The following DOCK7 variants were observed in gnomAD, a reference collection of about 807,000 sequenced individuals.
The protein encoded by DOCK7 is dedicator of cytokinesis protein 7.
A neutral mutation model predicts 271.0 loss-of-function variants in DOCK7; 138 were observed. The observed-to-expected ratio is 0.51, with a 90% CI of 0.44 to 0.59. The LOEUF is 0.59. DOCK7 is among the 20% of genes least tolerant of loss of function. The pLI, the probability that DOCK7 is intolerant of heterozygous loss-of-function variation, is 0.00. For synonymous variants in DOCK7, 823 were observed against 876.1 expected, an observed-to-expected ratio of 0.94 and a Z score of 1.07; for missense variants, 2,066 against 2,592.4, an observed-to-expected ratio of 0.80 and a Z score of 4.41.
intron 29 of DOCK7, among the ~76,000 whole-genome samples, chr1:62,534,092 G>A (rs1645263557): frequency 2.0e-5 from 3 of 151,968 alleles, no homozygotes; most frequent in South Asian, 4.2e-4. Context: ...TCTGCCTCCC[G>A]GATTCAAGCA....
chr1:62,530,004 T>C (rs558068154), intron 29 of DOCK7, among the ~76,000 whole-genome samples: 15 of 152,208 alleles, frequency 9.9e-5, no homozygotes, highest in Non-Finnish European at 1.8e-4. Flanking sequence ...TCAATCCCCC[T>C]CAGTTTCAAA....
At chr1:62,636,503 G>A in intron 8 of DOCK7, 34 bp downstream of exon 8, 1 of 1,506,776 alleles carries the variant, frequency 6.6e-7, no homozygotes, top group South Asian at 1.2e-5. Flanking sequence ...CAATGATTAT[G>A]ACAAATAACT....
chr1:62,470,295 C>G (rs1181178352), intron 48 of DOCK7, among the ~76,000 whole-genome samples: 3 of 152,148 alleles, frequency 2.0e-5, no homozygotes, highest in Non-Finnish European at 4.4e-5. Context: ...ATTATTTATT[C>G]TAAGTGAAGT....
chr1:62,598,792 G>T (rs1395829779), intron 14 of DOCK7: 1 of 1,597,030 alleles, frequency 6.3e-7, no homozygotes, highest in Non-Finnish European at 8.6e-7. Context: ...TCAAATAAAA[G>T]AAATAGAAAA....
At chr1:62,523,635 G>A (rs867888971) in intron 31 of DOCK7, among the ~76,000 whole-genome samples, 1 of 152,182 alleles carries the variant, frequency 6.6e-6, no homozygotes, top group Admixed American at 6.5e-5. Flanking sequence ...TTGAGAGGTC[G>A]AGATGGGCAG....
intron 48 of DOCK7, among the ~76,000 whole-genome samples, chr1:62,473,197 A>G (rs955414943): frequency 6.6e-6 from 1 of 152,176 alleles, no homozygotes; most frequent in African/African-American, 2.4e-5. Context: ...GGAGGTAGAT[A>G]TCATTATCTT....
At chr1:62,517,425 G>A (rs566980902) in intron 31 of DOCK7, among the ~76,000 whole-genome samples, 5 of 152,084 alleles carry the variant, frequency 3.3e-5, no homozygotes, top group South Asian at 4.2e-4. Flanking sequence ...GAGAAACCCC[G>A]TCTCTATTAA....
chr1:62,529,009 C>G (rs1225988608), intron 30 of DOCK7, among the ~76,000 whole-genome samples: 1 of 152,092 alleles, frequency 6.6e-6, no homozygotes, highest in Non-Finnish European at 1.5e-5. Context: ...ACTGCATGTT[C>G]ACACAAACAT....
intron 29 of DOCK7, among the ~76,000 whole-genome samples, chr1:62,534,783 A>G (rs1262342686): frequency 6.6e-6 from 1 of 152,098 alleles, no homozygotes; most frequent in Non-Finnish European, 1.5e-5. Flanking sequence ...AAAATGCTAC[A>G]TAGTATGATG....
chr1:62,553,726 A>C (rs940042903), intron 21 of DOCK7, among the ~76,000 whole-genome samples: 2 of 152,118 alleles, frequency 1.3e-5, no homozygotes, highest in Non-Finnish European at 2.9e-5. Flanking sequence ...ATTTTACAGC[A>C]GTTTATAAAA....
intron 9 of DOCK7, 40 bp downstream of exon 9, chr1:62,634,733 A>T (rs766844848): frequency 2.5e-6 from 4 of 1,573,588 alleles, no homozygotes; most frequent in Admixed American, 1.8e-5. Context: ...AAGTATACAG[A>T]CACTACAAAA....
intron 4 of DOCK7, among the ~76,000 whole-genome samples, chr1:62,653,189 A>C (rs1352578001): frequency 6.6e-6 from 1 of 152,206 alleles, no homozygotes; most frequent in East Asian, 1.9e-4. Flanking sequence ...TATACTTCTT[A>C]ATCTGACTTG....
chr1:62,605,090 T>C (rs1650783369), intron 14 of DOCK7: 1 of 294,750 alleles, frequency 3.4e-6, no homozygotes, highest in East Asian at 7.0e-5. Context: ...TTATAATCAA[T>C]AGGTGAACTT....
chr1:62,550,735 T>C (rs1346916614), intron 22 of DOCK7, among the ~76,000 whole-genome samples: 1 of 140,842 alleles, frequency 7.1e-6, no homozygotes, highest in South Asian at 2.3e-4. Context: ...TTTTTTTTTT[T>C]CTGAAATAGA....
intron 7 of DOCK7, among the ~76,000 whole-genome samples, chr1:62,644,095 G>C (rs116810691): frequency 6.6e-6 from 1 of 152,026 alleles, no homozygotes; most frequent in African/African-American, 2.4e-5. Flanking sequence ...GTTGATTTAC[G>C]ACTGGAGCTG....
In DOCK7 at chr1:62,544,942, A is replaced by AC; in HGVS notation, c.2859+4dup. 1 of 1,547,658 alleles carries AC rather than the reference A, an allele frequency of 6.5e-7. No individual in the cohort carries two copies. The highest frequency in any genetic ancestry group is 8.7e-7 in the Non-Finnish European group (1 of 1,144,968). Reference sequence around the variant, plus strand: ...CAATAAAGAAACCTCTAATATAAACACCACCTGTGTTGATTCTGCACTTGG... The same window carrying AC: ...CAATAAAGAAACCTCTAATATAAACACCCACCTGTGTTGATTCTGCACTTGG... On this transcript the variant is annotated splice_donor_region_variant and intron_variant, in intron 23 of 49. Transcript: ENST00000635253.
chr1:62,537,668 CCTTT>C (rs1033897605), intron 28 of DOCK7, among the ~76,000 whole-genome samples: 1 of 151,466 alleles, frequency 6.6e-6, no homozygotes, highest in African/African-American at 2.4e-5. Context: ...TACTCAGTGA[CCTTT>C]CTGTGTTTCT....
At position 62,663,117 on chromosome 1, in the gene DOCK7, C is replaced by A. The variant is rs375898065; in HGVS notation, c.52G>T (p.Glu18Ter). Reference protein sequence around the residue: ...AQKISRTVAAEVRKQISGQYS... With the variant: ...AQKISRTVAA ...TGTCCGGAGATCTGCTTCCTAACTT[C>A]GGCTGCCACCGTTCTACAATGAAGA... is the stretch of plus-strand genomic sequence containing the variant. Residue 18 changes from glutamate to a stop codon, truncating the protein, a stop_gained, in exon 2 of 50, where the codon GAA becomes TAA. Coordinates refer to ENST00000635253, the MANE Select transcript of DOCK7 (RefSeq NM_001367561.1). LOFTEE classifies it high-confidence loss of function. 6.2e-7 allele frequency: 1 copy of A among 1,611,744 alleles called. No homozygotes were observed. Among genetic ancestry groups the A allele is most frequent in the African/African-American group, 1.3e-5 (1 of 74,700 alleles).
intron 18 of DOCK7, among the ~76,000 whole-genome samples, chr1:62,570,382 A>G (rs1159412260): frequency 6.6e-6 from 1 of 152,202 alleles, no homozygotes; most frequent in Non-Finnish European, 1.5e-5. Flanking sequence ...ACTACAAACC[A>G]CTGCTCAAGG....
Sources: allele counts gnomAD v4.1 joint callset (sites outside exome capture counted in the v4.1 genomes callset), GRCh38; gene constraint gnomAD v4.1.1; transcripts MANE v1.5; gene names NCBI Gene and HGNC (gene_info 2026-07-23, HGNC 2026-07-21).